The following UNC5D variants were observed in gnomAD, a reference collection of about 807,000 sequenced individuals.
UNC5D encodes the protein netrin receptor UNC5D.
Under a neutral mutation model 105.4 loss-of-function variants are expected in UNC5D, and 39 were observed. The ratio of observed to expected loss-of-function variants is 0.37; its 90% CI spans 0.29 to 0.48. UNC5D has a LOEUF of 0.48. Among genes scored for constraint, UNC5D ranks in the 20% least tolerant of loss-of-function variants. The pLI, the probability that UNC5D is intolerant of heterozygous loss-of-function variation, is 0.98. For synonymous variants in UNC5D, 452 were observed against 450.4 expected, an observed-to-expected ratio of 1.00 and a Z score of -0.04; for missense variants, 991 against 1,202.4, an observed-to-expected ratio of 0.82 and a Z score of 2.60.
chr8:35,432,066 C>T (rs1163513418), intron 1 of UNC5D, among the ~76,000 whole-genome samples: 38 of 151,934 alleles, frequency 2.5e-4, no homozygotes, highest in Admixed American at 2.2e-3. Context: ...AGAGTATGGC[C>T]TCTGGAGTCA....
chr8:35,493,923 A>G (rs1359542567), intron 1 of UNC5D, among the ~76,000 whole-genome samples: 1 of 152,168 alleles, frequency 6.6e-6, no homozygotes, highest in African/African-American at 2.4e-5. Context: ...ATATATGAAA[A>G]CAGTCCAAAG....
chr8:35,297,577 C>T (rs1807587200), intron 1 of UNC5D, among the ~76,000 whole-genome samples: 1 of 152,130 alleles, frequency 6.6e-6, no homozygotes, highest in Admixed American at 6.5e-5. Context: ...ACTTCAGCAG[C>T]TCTCTGGTCT....
At chr8:35,669,659 G>A (rs771981291) in intron 4 of UNC5D, among the ~76,000 whole-genome samples, 8 of 151,860 alleles carry the variant, frequency 5.3e-5, no homozygotes, top group African/African-American at 1.5e-4. Flanking sequence ...CCCATCCCAC[G>A]TGTTCTATAC....
chr8:35,551,601 C>T (rs1017902334), intron 2 of UNC5D, among the ~76,000 whole-genome samples: 1 of 152,044 alleles, frequency 6.6e-6, no homozygotes, highest in African/African-American at 2.4e-5. Flanking sequence ...GGGTGGATCA[C>T]AAGGTCAGGG....
At chr8:35,300,859 G>A (rs1014032390) in intron 1 of UNC5D, among the ~76,000 whole-genome samples, 1 of 152,086 alleles carries the variant, frequency 6.6e-6, no homozygotes, top group African/African-American at 2.4e-5. Flanking sequence ...AGGAGAGGGA[G>A]GAATATAGAA....
intron 1 of UNC5D, among the ~76,000 whole-genome samples, chr8:35,395,344 G>A (rs1585742662): frequency 6.6e-6 from 1 of 152,138 alleles, no homozygotes; most frequent in Non-Finnish European, 1.5e-5. Flanking sequence ...TGAAGATGTG[G>A]CTATCAGAAA....
At chr8:35,687,284 A>G (rs893000481) in intron 7 of UNC5D, among the ~76,000 whole-genome samples, 1 of 152,020 alleles carries the variant, frequency 6.6e-6, no homozygotes, top group East Asian at 1.9e-4. Context: ...TCTACGAAAA[A>G]TACAAAAATT....
At chr8:35,669,319 A>G (rs1370858699) in intron 4 of UNC5D, among the ~76,000 whole-genome samples, 1 of 151,876 alleles carries the variant, frequency 6.6e-6, no homozygotes, top group East Asian at 1.9e-4. Context: ...ATTTCAATCT[A>G]TTGATTTTCA....
At chr8:35,316,588 C>T (rs1809322831) in intron 1 of UNC5D, among the ~76,000 whole-genome samples, 2 of 152,140 alleles carry the variant, frequency 1.3e-5, no homozygotes, top group South Asian at 4.1e-4. Context: ...ATACATTGGC[C>T]TAACTATTCA....
At chr8:35,248,942 A>T (rs1446058013) in intron 1 of UNC5D, among the ~76,000 whole-genome samples, 1 of 95,130 alleles carries the variant, frequency 1.1e-5, no homozygotes, top group Non-Finnish European at 1.8e-5. Flanking sequence ...TATATAATAT[A>T]TTATATATAA....
At chr8:35,759,529 A>G in intron 14 of UNC5D, 60 bp downstream of exon 14, 2 of 1,566,926 alleles carry the variant, frequency 1.3e-6, no homozygotes, top group Non-Finnish European at 1.7e-6. Flanking sequence ...AGCATGTCAC[A>G]GATCCTGGCA....
chr8:35,545,887 C>G (rs1815634595), intron 1 of UNC5D, among the ~76,000 whole-genome samples: 1 of 151,472 alleles, frequency 6.6e-6, no homozygotes, highest in African/African-American at 2.4e-5. Context: ...TTAACTGATT[C>G]TTTTTTCTTT....
chr8:35,595,438 T>C, intron 3 of UNC5D, 116 bp from the exon 4 acceptor site: 1 of 782,756 alleles, frequency 1.3e-6, no homozygotes, highest in Admixed American at 2.2e-5. Flanking sequence ...AAGTGACTTA[T>C]TTTTGTGTGT....
rs186471233 is a variant in UNC5D at position 35,612,109 on chromosome 8, G to C, written c.570+16452G>C. On this transcript the variant is annotated intron_variant, in intron 4 of 16. Coordinates refer to ENST00000404895, the MANE Select transcript of UNC5D (RefSeq NM_080872.4). ...ACTCAAAATAATTCAGTGTCTTTGA[G>C]AATTCAGGCCTTAAAGCTAAGCAAC... is the stretch of plus-strand genomic sequence containing the variant. Among the ~76,000 whole-genome samples, 159 of 152,342 alleles carry C rather than the reference G, an allele frequency of 1.0e-3. 1 individual carries two copies. Among genetic ancestry groups the C allele is most frequent in the African/African-American group, 3.1e-3 (127 of 41,592 alleles).
intron 1 of UNC5D, among the ~76,000 whole-genome samples, chr8:35,349,597 T>C (rs945149911): frequency 5.9e-5 from 9 of 152,114 alleles, no homozygotes; most frequent in African/African-American, 2.2e-4. Context: ...ATAGTCTCAT[T>C]ATTTATTTTG....
chr8:35,281,412 CTTTT>C (rs919305661), intron 1 of UNC5D, among the ~76,000 whole-genome samples: 3 of 50,012 alleles, frequency 6.0e-5, no homozygotes, highest in African/African-American at 1.6e-4. Context: ...TCTTTTAATA[CTTTT>C]TTTTTCTTTT....
At chr8:35,308,348 G>T (rs1175119758) in intron 1 of UNC5D, among the ~76,000 whole-genome samples, 1 of 152,018 alleles carries the variant, frequency 6.6e-6, no homozygotes, top group Non-Finnish European at 1.5e-5. Context: ...TGGAATCCAA[G>T]GACACTCTTA....
At chr8:35,688,558 T>C (rs1217881154) in intron 7 of UNC5D, among the ~76,000 whole-genome samples, 1 of 152,220 alleles carries the variant, frequency 6.6e-6, no homozygotes. Context: ...CAGGGAGCTG[T>C]AATGGAAGAC....
intron 1 of UNC5D, among the ~76,000 whole-genome samples, chr8:35,462,357 C>T (rs1268864146): frequency 1.3e-5 from 2 of 152,014 alleles, no homozygotes; most frequent in Non-Finnish European, 2.9e-5. Flanking sequence ...AAATAACACT[C>T]GTCAATCTCA....
Sources: gnomAD v4.1 joint callset for allele counts (sites outside exome capture counted in the v4.1 genomes callset) on GRCh38, gnomAD v4.1.1 for gene constraint, MANE v1.5 for transcripts, NCBI Gene and HGNC (gene_info 2026-07-23, HGNC 2026-07-21) for gene names.